The following ESRRG variants were observed in gnomAD, a reference collection of about 807,000 sequenced individuals.
The protein encoded by ESRRG is estrogen-related receptor gamma.
In ESRRG, 13 loss-of-function variants were observed where a neutral mutation model predicts 44.0. The observed-to-expected ratio is 0.30, with a 90% CI of 0.19 to 0.47. The LOEUF (loss-of-function observed/expected upper bound fraction) is 0.47. Among genes scored for constraint, ESRRG ranks in the 20% least tolerant of loss-of-function variants. The probability of loss-of-function intolerance (pLI) is 1.00; values close to 1 mark genes in which losing one functional copy is unlikely to be tolerated. For synonymous variants in ESRRG, 215 were observed against 214.6 expected (o/e 1.00, Z -0.02); for missense variants, 395 against 580.6 (o/e 0.68, Z 3.29).
At chr1:216,854,329 C>A (rs1482328254) in intron 2 of ESRRG, among the ~76,000 whole-genome samples, 1 of 131,190 alleles carries the variant, frequency 7.6e-6, no homozygotes, top group East Asian at 2.2e-4. Flanking sequence ...TGCACTCCAG[C>A]CTGGCGACAG....
chr1:216,527,750 C>A (rs1414542511), intron 5 of ESRRG, among the ~76,000 whole-genome samples: 2 of 152,070 alleles, frequency 1.3e-5, no homozygotes, highest in Admixed American at 1.3e-4. Context: ...ATTCTCATTG[C>A]CATGATCGTT....
chr1:216,615,982 G>A (rs1322123564), intron 3 of ESRRG, among the ~76,000 whole-genome samples: 3 of 152,130 alleles, frequency 2.0e-5, no homozygotes, highest in African/African-American at 7.2e-5. Context: ...ACCAGGCCCA[G>A]CCAACCTTGC....
chr1:216,654,725 T>C (rs2069997746), intron 2 of ESRRG, among the ~76,000 whole-genome samples: 1 of 150,888 alleles, frequency 6.6e-6, no homozygotes, highest in South Asian at 2.1e-4. Flanking sequence ...GGAAAGATTA[T>C]GAAAAAAATA....
chr1:216,687,935 T>C (rs941985495), intron 1 of ESRRG, among the ~76,000 whole-genome samples: 2 of 152,114 alleles, frequency 1.3e-5, no homozygotes, highest in Admixed American at 1.3e-4. Context: ...AAAGTCCTTC[T>C]CCTTAAAAAT....
At chr1:216,957,333 G>A (rs2818790) in intron 1 of ESRRG, among the ~76,000 whole-genome samples, 1 of 151,936 alleles carries the variant, frequency 6.6e-6, no homozygotes, top group African/African-American at 2.4e-5. Context: ...CCTTAGCCAA[G>A]ATGTCTCCTG....
intron 2 of ESRRG, among the ~76,000 whole-genome samples, chr1:216,741,224 AATTTAT>A (rs890685005): frequency 6.1e-5 from 9 of 146,902 alleles, no homozygotes; most frequent in African/African-American, 2.0e-4. Flanking sequence ...TATATTATAT[AATTTAT>A]ATTTATAATT....
chr1:216,576,031 G>T (rs889319307), intron 3 of ESRRG, among the ~76,000 whole-genome samples: 1 of 151,998 alleles, frequency 6.6e-6, no homozygotes, highest in South Asian at 2.1e-4. Context: ...CACTGAGGCA[G>T]AGACTGAGGG....
intron 2 of ESRRG, among the ~76,000 whole-genome samples, chr1:216,873,812 C>A (rs892151126): frequency 1.4e-5 from 2 of 145,896 alleles, no homozygotes; most frequent in African/African-American, 5.1e-5. Flanking sequence ...CTGTTGCCAT[C>A]ATTGTTAGCA....
At chr1:216,795,968 A>C (rs1278780095) in intron 2 of ESRRG, among the ~76,000 whole-genome samples, 1 of 152,116 alleles carries the variant, frequency 6.6e-6, no homozygotes, top group Admixed American at 6.5e-5. Context: ...TCTTCTCCCC[A>C]AAATCTCGGG....
At chr1:216,622,856 ATC>A (rs1223011942) in intron 3 of ESRRG, among the ~76,000 whole-genome samples, 1 of 152,210 alleles carries the variant, frequency 6.6e-6, no homozygotes, top group East Asian at 1.9e-4. Context: ...TTTGAAAGGA[ATC>A]TCTCTATTTT....
At chr1:217,029,346 C>T (rs536854956) in intron 1 of ESRRG, among the ~76,000 whole-genome samples, 8 of 152,158 alleles carry the variant, frequency 5.3e-5, no homozygotes, top group African/African-American at 9.6e-5. Context: ...AGAAACCGAC[C>T]GTAAGGGAAG....
intron 1 of ESRRG, among the ~76,000 whole-genome samples, chr1:216,995,508 A>G (rs2076261462): frequency 6.6e-6 from 1 of 152,198 alleles, no homozygotes; most frequent in Non-Finnish European, 1.5e-5. Context: ...TGTAAGAAGC[A>G]TGCTTCCAAT....
At chr1:217,122,623 C>T (rs539278413) in intron 1 of ESRRG, among the ~76,000 whole-genome samples, 24 of 150,902 alleles carry the variant, frequency 1.6e-4, no homozygotes, top group African/African-American at 4.4e-4. Flanking sequence ...TCATTTACAA[C>T]GACTTTCCTT....
chr1:216,656,108 T>C (rs1056475634), intron 2 of ESRRG, among the ~76,000 whole-genome samples: 1 of 152,160 alleles, frequency 6.6e-6, no homozygotes, highest in Non-Finnish European at 1.5e-5. Context: ...ATAGCAACTA[T>C]GGGCACCTGG....
chr1:216,554,225 G>A (rs1409291178), intron 5 of ESRRG, among the ~76,000 whole-genome samples: 2 of 152,030 alleles, frequency 1.3e-5, no homozygotes, highest in African/African-American at 4.8e-5. Flanking sequence ...AGGCTGGGGT[G>A]GGTGGATCAT....
chr1:216,976,287 TGTGTG>T (rs1217077369), intron 1 of ESRRG, among the ~76,000 whole-genome samples: 1 of 3,610 alleles, frequency 2.8e-4, no homozygotes, highest in Non-Finnish European at 4.6e-4. Context: ...TGCTCCTAAA[TGTGTG>T]TGTGTGTGTG....
At chr1:217,114,399 C>T (rs1166332) in intron 1 of ESRRG, among the ~76,000 whole-genome samples, 1 of 151,590 alleles carries the variant, frequency 6.6e-6, no homozygotes, top group Non-Finnish European at 1.5e-5. Context: ...AATTTGGACA[C>T]GGCTGAAAAA....
intron 1 of ESRRG, among the ~76,000 whole-genome samples, chr1:216,983,277 G>T (rs902567947): frequency 6.6e-6 from 1 of 151,882 alleles, no homozygotes; most frequent in Non-Finnish European, 1.5e-5. Flanking sequence ...TGTTACCCAG[G>T]TTGGAGATTG....
chr1:217,062,078 G>A (rs894332600), intron 1 of ESRRG, among the ~76,000 whole-genome samples: 1 of 152,084 alleles, frequency 6.6e-6, no homozygotes, highest in African/African-American at 2.4e-5. Context: ...GCCTTGTTTA[G>A]CAAACATTTT....
Sources: gnomAD v4.1 joint callset for allele counts (sites outside exome capture counted in the v4.1 genomes callset) on GRCh38, gnomAD v4.1.1 for gene constraint, MANE v1.5 for transcripts, NCBI Gene and HGNC (gene_info 2026-07-23, HGNC 2026-07-21) for gene names.